Variants in ROBO1 observed in about 807,000 individuals in gnomAD.
The protein encoded by ROBO1 is roundabout guidance receptor 1, also known as roundabout homolog 1.
In ROBO1, 149 loss-of-function variants were observed where a neutral mutation model predicts 195.9. The observed-to-expected ratio is 0.76, with a 90% CI of 0.67 to 0.87. The LOEUF is 0.87. Ranked by LOEUF, ROBO1 falls within the 40% of genes least tolerant of loss-of-function variation. The probability of loss-of-function intolerance (pLI) is 0.00; values close to 1 mark genes in which losing one functional copy is unlikely to be tolerated. For missense variants in ROBO1, 1,933 were observed against 2,068.3 expected, an observed-to-expected ratio of 0.93 and a Z score of 1.27; for synonymous variants, 816 against 733.2, an observed-to-expected ratio of 1.11 and a Z score of -1.82.
chr3:79,252,252 T>G (rs2082744807), intron 2 of ROBO1, among the ~76,000 whole-genome samples: 1 of 152,148 alleles, frequency 6.6e-6, no homozygotes, highest in Admixed American at 6.6e-5. Flanking sequence ...ACCAGGAACC[T>G]ATGAATGGGA....
intron 2 of ROBO1, among the ~76,000 whole-genome samples, chr3:79,425,523 G>GA (rs2038409384): frequency 6.6e-6 from 1 of 152,082 alleles, no homozygotes; most frequent in East Asian, 1.9e-4. Flanking sequence ...GAAAAGACAA[G>GA]TGGCTGCCCA....
intron 1 of ROBO1, among the ~76,000 whole-genome samples, chr3:79,654,983 A>G (rs546680373): frequency 2.2e-4 from 33 of 152,028 alleles, no homozygotes; most frequent in African/African-American, 7.9e-4. Flanking sequence ...ATAATGTGGG[A>G]AGTGGGATTG....
At chr3:79,517,535 C>G (rs1941003315) in intron 2 of ROBO1, among the ~76,000 whole-genome samples, 1 of 152,138 alleles carries the variant, frequency 6.6e-6, no homozygotes, top group Non-Finnish European at 1.5e-5. Context: ...TTTTAACATT[C>G]TTTCTGGTCC....
intron 4 of ROBO1, among the ~76,000 whole-genome samples, chr3:78,886,519 G>A (rs985423552): frequency 2.0e-5 from 3 of 151,942 alleles, no homozygotes; most frequent in Non-Finnish European, 2.9e-5. Context: ...ACTTGAACCC[G>A]GGAGGCAGAG....
At chr3:78,965,932 C>T (rs768079211) in intron 3 of ROBO1, among the ~76,000 whole-genome samples, 2 of 152,194 alleles carry the variant, frequency 1.3e-5, no homozygotes, top group South Asian at 4.1e-4. Context: ...TTTATTATTT[C>T]ATTTTATTTT....
intron 2 of ROBO1, among the ~76,000 whole-genome samples, chr3:79,163,858 G>T (rs909775015): frequency 6.6e-6 from 1 of 152,228 alleles, no homozygotes; most frequent in African/African-American, 2.4e-5. Context: ...ATTATAAGAT[G>T]ACTTCTTCCA....
At chr3:78,878,583 CAAAAAAAAAAA>C (rs35108863) in intron 4 of ROBO1, among the ~76,000 whole-genome samples, 6 of 46,348 alleles carry the variant, frequency 1.3e-4, no homozygotes, top group Non-Finnish European at 2.1e-4. Flanking sequence ...AACCCCATCT[CAAAAAAAAAAA>C]AAAAAAAAAA....
At chr3:79,037,995 A>AT (rs962204972) in intron 3 of ROBO1, among the ~76,000 whole-genome samples, 1 of 152,140 alleles carries the variant, frequency 6.6e-6, no homozygotes, top group Non-Finnish European at 1.5e-5. Flanking sequence ...TCCAAGAAAG[A>AT]TTTTTTTAAA....
chr3:78,921,366 T>C (rs962674069), intron 4 of ROBO1, among the ~76,000 whole-genome samples: 9 of 152,170 alleles, frequency 5.9e-5, no homozygotes, highest in African/African-American at 2.2e-4. Context: ...TTCCATAGCA[T>C]AAGTACCCTC....
At chr3:79,357,302 G>T (rs1344196221) in intron 2 of ROBO1, among the ~76,000 whole-genome samples, 1 of 152,110 alleles carries the variant, frequency 6.6e-6, no homozygotes, top group East Asian at 1.9e-4. Flanking sequence ...CACCCTGTTT[G>T]TAAGTTAAGA....
chr3:79,319,324 T>G (rs1477830212), intron 2 of ROBO1, among the ~76,000 whole-genome samples: 1 of 152,122 alleles, frequency 6.6e-6, no homozygotes, highest in Non-Finnish European at 1.5e-5. Flanking sequence ...GATTAACATA[T>G]TGTCTTAAAT....
At chr3:79,446,267 A>C (rs2039252145) in intron 2 of ROBO1, among the ~76,000 whole-genome samples, 1 of 152,208 alleles carries the variant, frequency 6.6e-6, no homozygotes, top group African/African-American at 2.4e-5. Context: ...CATCAAAATA[A>C]ATTATTCAAA....
intron 2 of ROBO1, among the ~76,000 whole-genome samples, chr3:79,488,200 CTT>C (rs941959712): frequency 1.3e-5 from 2 of 152,086 alleles, no homozygotes; most frequent in African/African-American, 4.8e-5. Flanking sequence ...CAAAATGAAT[CTT>C]TGAGAGGTAA....
chr3:78,796,956 ATCTT>A (rs751989763), intron 4 of ROBO1, among the ~76,000 whole-genome samples: 17 of 152,242 alleles, frequency 1.1e-4, no homozygotes, highest in Non-Finnish European at 4.4e-5. Flanking sequence ...CTCGTCTCTC[ATCTT>A]TCTATCTCTT....
chr3:78,925,565 A>C (rs888867177), intron 4 of ROBO1, among the ~76,000 whole-genome samples: 6 of 152,220 alleles, frequency 3.9e-5, no homozygotes, highest in Non-Finnish European at 7.3e-5. Context: ...ATATAACGAA[A>C]AACACCTTTT....
chr3:78,933,773 G>T (rs1231412998), intron 4 of ROBO1, among the ~76,000 whole-genome samples: 1 of 151,842 alleles, frequency 6.6e-6, no homozygotes, highest in African/African-American at 2.4e-5. Context: ...AATTGAAAAA[G>T]AAAATTTGAA....
chr3:79,759,878 G>T (rs1704594533), intron 1 of ROBO1, among the ~76,000 whole-genome samples: 1 of 152,090 alleles, frequency 6.6e-6, no homozygotes, highest in South Asian at 2.1e-4. Flanking sequence ...ATGAGTGGCA[G>T]TCATATTTTT....
chr3:79,254,111 T>C (rs1168942644), intron 2 of ROBO1, among the ~76,000 whole-genome samples: 1 of 152,186 alleles, frequency 6.6e-6, no homozygotes, highest in African/African-American at 2.4e-5. Flanking sequence ...CATTCTAACA[T>C]ATGTTCAAAA....
intron 4 of ROBO1, among the ~76,000 whole-genome samples, chr3:78,897,386 G>C (rs1252789899): frequency 6.6e-6 from 1 of 152,154 alleles, no homozygotes; most frequent in Non-Finnish European, 1.5e-5. Context: ...TTTCCAGGCA[G>C]GTAGCATGTT....
Sources: allele counts gnomAD v4.1 joint callset (sites outside exome capture counted in the v4.1 genomes callset), GRCh38; gene constraint gnomAD v4.1.1; transcripts MANE v1.5; gene names NCBI Gene and HGNC (gene_info 2026-07-23, HGNC 2026-07-21).